Variants in MRPL42 observed in about 807,000 individuals in gnomAD.
The protein encoded by MRPL42 is mitochondrial ribosomal protein L42, also known as large ribosomal subunit protein mL42.
MRPL42 carries 17 observed loss-of-function variants against 17.9 expected under a neutral mutation model. The ratio of observed to expected loss-of-function variants is 0.95; its 90% CI spans 0.65 to 1.42. The LOEUF is 1.42. Ranked by LOEUF, MRPL42 falls within the 40% of genes most tolerant of loss-of-function variation. MRPL42 has a pLI of 0.00. For synonymous variants in MRPL42, 59 were observed against 54.4 expected, an observed-to-expected ratio of 1.08 and a Z score of -0.37; for missense variants, 177 against 175.2, an observed-to-expected ratio of 1.01 and a Z score of -0.06.
chr12:93,486,742 T>C (rs2121230391), intron 4 of MRPL42, among the ~76,000 whole-genome samples: 1 of 152,338 alleles, frequency 6.6e-6, no homozygotes, highest in Admixed American at 6.5e-5. Flanking sequence ...AGGCATAATT[T>C]ATACCTTTGA....
chr12:93,495,533 C>A (rs1432794250), intron 5 of MRPL42, among the ~76,000 whole-genome samples: 1 of 152,130 alleles, frequency 6.6e-6, no homozygotes, highest in Non-Finnish European at 1.5e-5. Context: ...CTGGCCCACA[C>A]ATTTAATAGT....
At chr12:93,477,581 C>G (rs925521152) in intron 3 of MRPL42, among the ~76,000 whole-genome samples, 6 of 152,094 alleles carry the variant, frequency 3.9e-5, no homozygotes, top group Admixed American at 3.3e-4. Flanking sequence ...TTTTTCTTCT[C>G]TCTTGACACT....
chr12:93,481,629 C>T (rs76522699), intron 4 of MRPL42, among the ~76,000 whole-genome samples: 7,821 of 152,246 alleles, frequency 0.051, 252 homozygotes, highest in South Asian at 0.14. Context: ...TGTAGGTGAT[C>T]TAATACCATG....
chr12:93,485,184 A>G (rs1395615562), intron 4 of MRPL42, among the ~76,000 whole-genome samples: 2 of 128,754 alleles, frequency 1.6e-5, no homozygotes, highest in East Asian at 2.3e-4. Context: ...TTTAATTGAC[A>G]CAGGGTCTGT....
rs1879865431 is a variant in MRPL42 at position 93,470,621 on chromosome 12, C to T, written c.70+1266C>T. On this transcript the variant is annotated intron_variant, in intron 2 of 5. Coordinates refer to ENST00000549982, the MANE Select transcript of MRPL42 (RefSeq NM_014050.4). ...TTTTCAACTCTTCCCTCCATCCCTC[C>T]ATTCTGTTTTGAGTCCCCAGTGTTT... The T allele has an allele frequency of 4.4e-6, 5 of 1,135,280 alleles. No homozygotes were observed. The Admixed American group carries it at 1.5e-4, about 33-fold the overall frequency. The allele number at this position is 1,135,280 out of a possible 1,614,324, so 70.3% of individuals were successfully genotyped here.
rs1257049393 is a variant in MRPL42, at chr12:93,514,432, C to G, written c.*13211C>G. 6.6e-6 allele frequency: 1 copy of G among 151,256 alleles called. No individual in the cohort carries two copies. The highest frequency in any genetic ancestry group is 1.5e-5 in the Non-Finnish European group (1 of 67,992). 9.4% of individuals were successfully genotyped at this position (151,256 alleles called of 1,614,324 possible). ...GGATTACAGGCACCCACCACCACAC[C>G]TGGCTAATTTTTTTTTTTGGTAGAG... On this transcript the variant is annotated 3_prime_UTR_variant, in exon 6 of 6. Coordinates refer to ENST00000549982, the MANE Select transcript of MRPL42 (RefSeq NM_014050.4).
At chr12:93,500,824 G>A (rs1275154837) in intron 5 of MRPL42, 1 of 167,330 alleles carries the variant, frequency 6.0e-6, no homozygotes, top group Non-Finnish European at 1.3e-5. Context: ...AGCCACGTGT[G>A]GTGGTGTGCC....
intron 2 of MRPL42, among the ~76,000 whole-genome samples, chr12:93,473,116 C>T (rs926341648): frequency 6.6e-6 from 1 of 152,182 alleles, no homozygotes; most frequent in African/African-American, 2.4e-5. Flanking sequence ...TCATAAATTA[C>T]AGAAATTATT....
intron 2 of MRPL42, among the ~76,000 whole-genome samples, chr12:93,470,916 A>G (rs1239847391): frequency 1.3e-5 from 2 of 152,200 alleles, no homozygotes; most frequent in African/African-American, 4.8e-5. Context: ...ATAAACATGC[A>G]AGTGCAGCTG....
chr12:93,492,054 G>A (rs776037643), intron 5 of MRPL42, among the ~76,000 whole-genome samples: 1 of 152,166 alleles, frequency 6.6e-6, no homozygotes, highest in Non-Finnish European at 1.5e-5. Context: ...TGTCTTTGCT[G>A]TTGTGAGTAG....
chr12:93,483,410 C>G (rs754073387), intron 4 of MRPL42, among the ~76,000 whole-genome samples: 9 of 152,140 alleles, frequency 5.9e-5, no homozygotes, highest in Non-Finnish European at 1.0e-4. Context: ...CACACCCAGA[C>G]TTTATGGTAT....
At chr12:93,491,108 C>T (rs1953403667) in intron 5 of MRPL42, among the ~76,000 whole-genome samples, 1 of 152,160 alleles carries the variant, frequency 6.6e-6, no homozygotes. Flanking sequence ...CCAGGCTGGT[C>T]TCAAACTCCA....
rs540458983 is a variant in MRPL42 at position 93,485,812 on chromosome 12, C to T, written c.220-1685C>T. ...CAAGATAGTGATTCCTTTTGTTTTC[C>T]GTTTTGTTTTGTTTTGAGACAGGGT... is the stretch of plus-strand genomic sequence containing the variant. On this transcript the variant is annotated intron_variant, in intron 4 of 5. Transcript: ENST00000549982. Among the ~76,000 whole-genome samples the T allele has an allele frequency of 4.6e-5, 7 of 151,624 alleles. No homozygotes were observed. The East Asian group carries it at 7.7e-4, about 17-fold the overall frequency.
At chr12:93,500,239 A>G (rs1229962991) in intron 5 of MRPL42, among the ~76,000 whole-genome samples, 1 of 152,196 alleles carries the variant, frequency 6.6e-6, no homozygotes, top group Non-Finnish European at 1.5e-5. Context: ...TACTTTTTCT[A>G]TATTCCTTTG....
At chr12:93,479,688 A>G (rs766736281) in intron 4 of MRPL42, among the ~76,000 whole-genome samples, 5 of 152,100 alleles carry the variant, frequency 3.3e-5, no homozygotes, top group Non-Finnish European at 7.4e-5. Flanking sequence ...TTTAAACACA[A>G]TTATGGCATC....
chr12:93,468,126 TGC>T (rs1374295180), intron 1 of MRPL42, among the ~76,000 whole-genome samples: 1 of 152,208 alleles, frequency 6.6e-6, no homozygotes, highest in African/African-American at 2.4e-5. Context: ...ATGGAGATGC[TGC>T]TTCACACACT....
In MRPL42 at chr12:93,488,172, G is replaced by A. The variant is rs376077131; in HGVS notation, c.383+512G>A. On this transcript the variant is annotated intron_variant, in intron 5 of 5. Transcript: ENST00000549982. ...TTTTCATTAGAGGCGGGGTTTTACC[G>A]TGTTAGCCAGGATGGTCTCGAACTC... 17 of 364,772 alleles carry A rather than the reference G, an allele frequency of 4.7e-5. No individual in the cohort carries two copies. In the South Asian group the frequency reaches 1.1e-3, roughly 25 times the overall value. 22.6% of individuals were successfully genotyped at this position (364,772 alleles called of 1,614,324 possible).
At chr12:93,495,838 C>T (rs975551015) in intron 5 of MRPL42, among the ~76,000 whole-genome samples, 27 of 152,046 alleles carry the variant, frequency 1.8e-4, no homozygotes, top group Admixed American at 9.8e-4. Context: ...TAGCTGAACT[C>T]TGGAAATAAA....
intron 5 of MRPL42, 98 bp downstream of exon 5, chr12:93,487,758 G>T: frequency 8.8e-7 from 1 of 1,140,800 alleles, no homozygotes; most frequent in Non-Finnish European, 1.2e-6. Context: ...TGTTTTGCAT[G>T]AGGAAATTAA....
Sources: gnomAD v4.1 joint callset for allele counts (sites outside exome capture counted in the v4.1 genomes callset) on GRCh38, gnomAD v4.1.1 for gene constraint, MANE v1.5 for transcripts, NCBI Gene and HGNC (gene_info 2026-07-23, HGNC 2026-07-21) for gene names.